The following NCL variants were observed in gnomAD, a reference collection of about 807,000 sequenced individuals.
The protein encoded by NCL is nucleolin multifunctional protein.
In NCL, 4 loss-of-function variants were observed where a neutral mutation model predicts 77.7. The ratio of observed to expected loss-of-function variants is 0.05; its 90% CI spans 0.03 to 0.12. The LOEUF is 0.12. Among genes scored for constraint, NCL ranks in the 10% least tolerant of loss-of-function variants. NCL has a pLI of 1.00. For synonymous variants in NCL, 344 were observed against 297.8 expected (o/e 1.16, Z -1.60); for missense variants, 763 against 860.9 (o/e 0.89, Z 1.42).
chr2:231,459,362 A>AT (rs1553647205), intron 6 of NCL, among the ~76,000 whole-genome samples: 1 of 152,254 alleles, frequency 6.6e-6, no homozygotes, highest in Non-Finnish European at 1.5e-5. Context: ...TAAATTGCTT[A>AT]TAAGAATTCA....
In NCL at chr2:231,464,088, C is replaced by T. The variant is rs988452996; in HGVS notation, c.18+248G>A. The T allele has an allele frequency of 1.9e-5, 26 of 1,354,340 alleles. No homozygotes were observed. In the Admixed American group the frequency reaches 7.5e-4, roughly 39 times the overall value. 83.9% of individuals were successfully genotyped at this position (1,354,340 alleles called of 1,614,324 possible). A position where few individuals can be genotyped will look rare whatever the true frequency, so the allele number is the denominator to read the frequency against. ...TCTCTCCACCCCGAGGCCCAGCGCC[C>T]CCTCCCCGCGCTCAGTGACTCTGTC... On this transcript the variant is annotated intron_variant, in intron 1 of 13. Coordinates refer to ENST00000322723, the MANE Select transcript of NCL (RefSeq NM_005381.3).
Position 231,455,170 on chromosome 2 carries a change from G to A in NCL, c.*21C>T, listed in dbSNP as rs771125113. ...AGAGTCCTTTCTTTCAAATGGAAAA[G>A]GGAAAGCAGAGGGACAGAAGCTATT... On this transcript the variant is annotated 3_prime_UTR_variant, in exon 14 of 14. Transcript: ENST00000322723. The A allele has an allele frequency of 2.5e-6, 4 of 1,613,794 alleles. No individual in the cohort carries two copies. The African/African-American group carries it at 4.0e-5, about 16-fold the overall frequency.
At position 231,454,573 on chromosome 2, in the gene NCL, C is replaced by T. The variant is rs1366943315; in HGVS notation, c.*618G>A. On this transcript the variant is annotated 3_prime_UTR_variant, in exon 14 of 14. Transcript: ENST00000322723. ...GCTGCAGCAGCCTTCAAGTCAGCAC[C>T]AGGGCTGCAGGAGCAGGTCCCCTCA... The T allele has an allele frequency of 6.5e-6, 1 of 153,014 alleles. No homozygotes were observed. Among genetic ancestry groups the T allele is most frequent in the Admixed American group, 6.5e-5 (1 of 15,382 alleles). The allele number at this position is 153,014 out of a possible 1,614,324, so 9.5% of individuals were successfully genotyped here.
chr2:231,457,092 A>T lies in NCL; in HGVS notation c.1480T>A (p.Ser494Thr). ...AGAGTTTCTTCTGTTGCACTGTAGG[A>T]GAGGTTGCTTAAAACCAGAGTTTTT... ...ESKTLVLSNL[S>T]YSATEETLQE... The change falls in exon 10 of 14, where the codon TCC becomes ACC. Residue 494 changes from serine (S) to threonine (T), a missense_variant. Physicochemically the swap from Ser to Thr is moderately conservative, Grantham distance 58 (BLOSUM62 1). Coordinates refer to ENST00000322723, the MANE Select transcript of NCL (RefSeq NM_005381.3). 4 of 1,613,980 alleles carry T rather than the reference A, an allele frequency of 2.5e-6. No individual in the cohort carries two copies. Among genetic ancestry groups the T allele is most frequent in the Non-Finnish European group, 3.4e-6 (4 of 1,179,938 alleles).
intron 5 of NCL, 69 bp from the exon 6 acceptor site, chr2:231,460,362 C>A: frequency 6.2e-7 from 1 of 1,603,094 alleles, no homozygotes; most frequent in Non-Finnish European, 8.5e-7. Context: ...AGCAAAATTT[C>A]TATACACAGC....
intron 10 of NCL, 40 bp from the exon 11 acceptor site, chr2:231,456,804 C>T (rs780325150): frequency 2.5e-6 from 4 of 1,610,250 alleles, no homozygotes; most frequent in South Asian, 2.2e-5. Context: ...AGTTACCAGG[C>T]ACATGCTCCT....
At chr2:231,463,430 G>A in intron 1 of NCL, 114 bp from the exon 2 acceptor site, 3 of 764,718 alleles carry the variant, frequency 3.9e-6, no homozygotes, top group Non-Finnish European at 6.9e-6. Context: ...ATTTCTCATA[G>A]TGCCAAACAC....
In NCL at chr2:231,463,698, T is replaced by C. The variant is rs116243477; in HGVS notation, c.19-382A>G. The C allele has an allele frequency of 4.8e-3, 941 of 195,312 alleles. 7 individuals carry two copies. Among genetic ancestry groups the C allele is most frequent in the Middle Eastern group, 0.011 (5 of 474 alleles). The allele number at this position is 195,312 out of a possible 1,614,324, so 12.1% of individuals were successfully genotyped here. A position where few individuals can be genotyped will look rare whatever the true frequency, so the allele number is the denominator to read the frequency against. On this transcript the variant is annotated intron_variant, in intron 1 of 13. Coordinates refer to ENST00000322723, the MANE Select transcript of NCL (RefSeq NM_005381.3). ...TCATTAAGGCACTTAAAAAAATGAC[T>C]ACCTTGATTTTCTCATGAAGCTTAT... is the stretch of plus-strand genomic sequence containing the variant.
Position 231,464,047 on chromosome 2 carries a change from CA to C in NCL, c.18+288del, listed in dbSNP as rs559678335. On this transcript the variant is annotated intron_variant, in intron 1 of 13. Transcript: ENST00000322723. ...GTCGAGTCCCAGCTCGTACGCGTCG[CA>C]AAAGTTTGGTCTCATCTCTCCACCC... 228 of 1,191,942 alleles carry C rather than the reference CA, an allele frequency of 1.9e-4. No individual in the cohort carries two copies. The African/African-American group carries it at 3.4e-3, about 18-fold the overall frequency. The allele number at this position is 1,191,942 out of a possible 1,614,324, so 73.8% of individuals were successfully genotyped here.
Position 231,457,631 on chromosome 2 carries a change from C to G in NCL, c.1447+12G>C, listed in dbSNP as rs2046904039. ...CCAATTCTGAAACCTTGTAACAAGCCTAATTTCTTACCACTCCAAGTGCTA... is the reference window on the plus strand; with the variant it reads ...CCAATTCTGAAACCTTGTAACAAGCGTAATTTCTTACCACTCCAAGTGCTA... On this transcript the variant is annotated intron_variant, in intron 9 of 13. Transcript: ENST00000322723. 1 of 1,578,878 alleles carries G rather than the reference C, an allele frequency of 6.3e-7. No homozygotes were observed. The highest frequency in any genetic ancestry group is 1.4e-5 in the African/African-American group (1 of 73,340).
intron 1 of NCL, 198 bp downstream of exon 1, chr2:231,464,138 A>G (rs2046978069): frequency 7.2e-7 from 1 of 1,387,388 alleles, no homozygotes. Context: ...CGCCGCCCCC[A>G]GCACCTGCAG....
Position 231,460,550 on chromosome 2 carries a change from C to G in NCL, c.826G>C (p.Ala276Pro), listed in dbSNP as rs748502672. The G allele has an allele frequency of 9.3e-6, 15 of 1,614,096 alleles. No homozygotes were observed. Among genetic ancestry groups the G allele is most frequent in the Non-Finnish European group, 1.3e-5 (15 of 1,180,048 alleles). Reference sequence around the variant, plus strand: ...ATTTCCTTCTTTCGTTTTCCAGGTGCTTCTTTGACAGGCTCTGGACAAGAT... The same window carrying G: ...ATTTCCTTCTTTCGTTTTCCAGGTGGTTCTTTGACAGGCTCTGGACAAGAT... ...EEEEEEPVKE[A>P]PGKRKKEMAK... Residue 276 changes from alanine (A) to proline (P), a missense_variant, in exon 5 of 14, where the codon GCA (alanine) becomes CCA (proline). Around this residue, in one of 2 missense-constraint regions of NCL, gnomAD observed 590 missense variants for 570.5 expected, o/e 1.03. Transcript: ENST00000322723.
chr2:231,464,073 C>T, intron 1 of NCL: 3 of 1,331,628 alleles, frequency 2.3e-6, no homozygotes, highest in Non-Finnish European at 2.9e-6. Context: ...TCTCTCCACC[C>T]CGAGGCCCAG....
chr2:231,455,030 G>A lies in NCL; in HGVS notation c.*161C>T, dbSNP rs1010420517. On this transcript the variant is annotated 3_prime_UTR_variant, in exon 14 of 14. Transcript: ENST00000322723. Reference sequence around the variant, plus strand: ...ATGAATATCCAGTCAAAACCAACACGGTATTGCCCTTGAAATGTTAACTAG... The same window carrying A: ...ATGAATATCCAGTCAAAACCAACACAGTATTGCCCTTGAAATGTTAACTAG... The A allele has an allele frequency of 5.4e-5, 38 of 710,266 alleles. No individual in the cohort carries two copies. Among genetic ancestry groups the A allele is most frequent in the Non-Finnish European group, 7.8e-5 (33 of 421,552 alleles). 44.0% of individuals were successfully genotyped at this position (710,266 alleles called of 1,614,324 possible).
intron 11 of NCL, 158 bp from the exon 12 acceptor site, chr2:231,456,294 A>C (rs2046887122): frequency 1.1e-6 from 1 of 950,602 alleles, no homozygotes; most frequent in Admixed American, 2.3e-5. Context: ...AGTAAAGGCT[A>C]TTCTGGGTTT....
chr2:231,455,229 C>T lies in NCL; in HGVS notation c.2095G>A (p.Asp699Asn), dbSNP rs908364401. 1.2e-5 allele frequency: 19 copies of T among 1,614,046 alleles called. No homozygotes were observed. The highest frequency in any genetic ancestry group is 1.6e-5 in the Non-Finnish European group (19 of 1,180,044). The change falls in exon 14 of 14, where the codon GAC (aspartate) becomes AAC (asparagine). Residue 699 changes from aspartate (D) to asparagine (N), a missense_variant. By Grantham distance (23) the Asp-to-Asn change is conservative. Around this residue, in one of 2 missense-constraint regions of NCL, gnomAD observed 173 missense variants for 290.4 expected, o/e 0.60. Coordinates refer to ENST00000322723, the MANE Select transcript of NCL (RefSeq NM_005381.3). ...GFRGGRGGGG[D>N]HKPQGKKTKF... ...GTCTTCTTTCCTTGTGGCTTGTGGT[C>T]ACCTCCTCCTCCTCTGCCTCCTCGG...
intron 11 of NCL, 89 bp downstream of exon 11, chr2:231,456,542 G>C (rs571643203): frequency 4.9e-5 from 76 of 1,564,568 alleles, no homozygotes; most frequent in South Asian, 3.3e-4. Context: ...TCACTCAGTA[G>C]CAACAGGAAA....
intron 3 of NCL, 67 bp downstream of exon 3, chr2:231,461,473 T>A: frequency 6.4e-7 from 1 of 1,567,402 alleles, no homozygotes; most frequent in Non-Finnish European, 8.6e-7. Flanking sequence ...GGAAGGAATA[T>A]GTTGATCCCA....
At chr2:231,464,298 A>T (rs2046979826) in intron 1 of NCL, 38 bp downstream of exon 1, 1 of 1,567,638 alleles carries the variant, frequency 6.4e-7, no homozygotes, top group African/African-American at 1.4e-5. Flanking sequence ...CTCGGAAAGC[A>T]GGCCTACACG....
Sources: allele counts gnomAD v4.1 joint callset (sites outside exome capture counted in the v4.1 genomes callset), GRCh38; gene constraint gnomAD v4.1.1; regional missense constraint gnomAD v4.1.1; transcripts MANE v1.5; gene names NCBI Gene and HGNC (gene_info 2026-07-23, HGNC 2026-07-21).